The following CNTN1 variants were observed in gnomAD, a reference collection of about 807,000 sequenced individuals.
CNTN1 encodes contactin 1, also known as contactin-1.
Under a neutral mutation model 126.4 loss-of-function variants are expected in CNTN1, and 38 were observed. The observed-to-expected ratio is 0.30, with a 90% CI of 0.23 to 0.39. The LOEUF is 0.39. CNTN1 is among the 10% of genes least tolerant of loss of function. The pLI is 1.00. For synonymous variants in CNTN1, 413 were observed against 422.6 expected, an observed-to-expected ratio of 0.98 and a Z score of 0.28; for missense variants, 1,009 against 1,248.4, an observed-to-expected ratio of 0.81 and a Z score of 2.89.
At chr12:40,999,142 T>A (rs1027553657) in intron 17 of CNTN1, among the ~76,000 whole-genome samples, 6 of 152,126 alleles carry the variant, frequency 3.9e-5, no homozygotes, top group Non-Finnish European at 7.4e-5. Flanking sequence ...GGCATTGGCT[T>A]GATTTTCTTT....
intron 1 of CNTN1, among the ~76,000 whole-genome samples, chr12:40,838,118 C>T (rs770770564): frequency 2.7e-4 from 41 of 152,206 alleles, no homozygotes; most frequent in Non-Finnish European, 5.6e-4. Context: ...CCCGGCATTG[C>T]ATCTGCAAGA....
chr12:40,864,017 TC>T, intron 1 of CNTN1, among the ~76,000 whole-genome samples: 1 of 107,362 alleles, frequency 9.3e-6, no homozygotes, highest in Non-Finnish European at 2.0e-5. Flanking sequence ...CTCTCTGCTT[TC>T]CTTTTTTTTT....
intron 12 of CNTN1, among the ~76,000 whole-genome samples, chr12:40,941,944 G>A (rs1391731263): frequency 6.6e-6 from 1 of 151,942 alleles, no homozygotes; most frequent in Non-Finnish European, 1.5e-5. Flanking sequence ...TAATCTCAAA[G>A]GCAAAGTACC....
intron 20 of CNTN1, among the ~76,000 whole-genome samples, chr12:41,021,867 C>T (rs766053095): frequency 2.8e-4 from 43 of 152,016 alleles, no homozygotes; most frequent in South Asian, 8.3e-4. Flanking sequence ...GTAATAAATA[C>T]GCCTGAGGTA....
intron 1 of CNTN1, among the ~76,000 whole-genome samples, chr12:40,875,027 A>G (rs759501033): frequency 9.9e-5 from 15 of 152,152 alleles, no homozygotes; most frequent in East Asian, 9.6e-4. Context: ...GCCTTTGGGC[A>G]CACGTATATA....
chr12:40,763,509 G>A (rs1200999752), intron 1 of CNTN1, among the ~76,000 whole-genome samples: 1 of 152,116 alleles, frequency 6.6e-6, no homozygotes, highest in African/African-American at 2.4e-5. Flanking sequence ...CAAACGTTTT[G>A]CAGAGGGAAG....
intron 1 of CNTN1, among the ~76,000 whole-genome samples, chr12:40,847,365 T>G (rs1036046509): frequency 1.3e-5 from 2 of 152,190 alleles, no homozygotes; most frequent in Non-Finnish European, 2.9e-5. Flanking sequence ...TTAAACTTGA[T>G]GAATAAAGTT....
intron 3 of CNTN1, among the ~76,000 whole-genome samples, chr12:40,917,071 G>C (rs996932737): frequency 8.1e-6 from 1 of 123,552 alleles, no homozygotes; most frequent in Non-Finnish European, 1.7e-5. Flanking sequence ...CGGGGGGGGG[G>C]GCAGAACTAA....
In CNTN1 at chr12:41,016,916, G is replaced by A; in HGVS notation, c.2419G>A (p.Ala807Thr). ...LVAVINSAQDAPSEAPTEVGV... is the reference protein window; with the variant it reads ...LVAVINSAQDTPSEAPTEVGV... ...AGCAGTCATTAATTCAGCACAAGAC[G>A]GTAGGTGAAAGAAAGACCTTCTTAC... Residue 807 changes from alanine to threonine, a missense_variant and splice_region_variant, in exon 19 of 24, where the codon GCT becomes ACT. Coordinates refer to ENST00000551295, the MANE Select transcript of CNTN1 (RefSeq NM_001843.4). The A allele has an allele frequency of 1.2e-6, 2 of 1,612,098 alleles. No homozygotes were observed. Among genetic ancestry groups the A allele is most frequent in the Non-Finnish European group, 1.7e-6 (2 of 1,178,246 alleles).
intron 23 of CNTN1, among the ~76,000 whole-genome samples, chr12:41,037,697 CACACAT>C (rs1196578672): frequency 2.1e-5 from 3 of 143,488 alleles, no homozygotes; most frequent in East Asian, 2.0e-4. Context: ...CACACACACA[CACACAT>C]ATTTATATAT....
chr12:41,012,416 T>C (rs533670095), intron 17 of CNTN1, among the ~76,000 whole-genome samples: 15 of 152,332 alleles, frequency 9.8e-5, no homozygotes, highest in Non-Finnish European at 1.5e-4. Context: ...ATAAGAGTTA[T>C]GACAGTTGCC....
chr12:40,705,319 A>G (rs1224097484), intron 1 of CNTN1, among the ~76,000 whole-genome samples: 1 of 152,172 alleles, frequency 6.6e-6, no homozygotes, highest in Non-Finnish European at 1.5e-5. Flanking sequence ...TTGAATCCTG[A>G]TGAATTATTT....
At chr12:40,924,727 G>A in intron 6 of CNTN1, 75 bp downstream of exon 6, 1 of 788,142 alleles carries the variant, frequency 1.3e-6, no homozygotes, top group Non-Finnish European at 2.3e-6. Context: ...TAGTAATAAT[G>A]CTACATTATT....
At chr12:40,759,460 C>T (rs539297499) in intron 1 of CNTN1, among the ~76,000 whole-genome samples, 37 of 150,728 alleles carry the variant, frequency 2.5e-4, no homozygotes, top group African/African-American at 8.8e-4. Flanking sequence ...CTTCCCTTCC[C>T]TTTCCCTTTC....
At chr12:40,966,043 C>T (rs576609732) in intron 15 of CNTN1, among the ~76,000 whole-genome samples, 6 of 150,754 alleles carry the variant, frequency 4.0e-5, no homozygotes, top group Admixed American at 1.3e-4. Context: ...CACACACGCA[C>T]GCATTGGAAG....
At chr12:40,847,709 T>C (rs74549859) in intron 1 of CNTN1, among the ~76,000 whole-genome samples, 6,083 of 152,312 alleles carry the variant, frequency 0.04, 166 homozygotes, top group Non-Finnish European at 0.053. Context: ...CCCAGGCACA[T>C]TCTTGAATAA....
chr12:41,066,313 T>C (rs760356245), intron 23 of CNTN1, among the ~76,000 whole-genome samples: 21 of 152,152 alleles, frequency 1.4e-4, no homozygotes, highest in Non-Finnish European at 2.6e-4. Flanking sequence ...TTATGCAATA[T>C]AGAATAAAAT....
At chr12:41,026,809 G>A (rs1949047145) in intron 21 of CNTN1, among the ~76,000 whole-genome samples, 1 of 152,168 alleles carries the variant, frequency 6.6e-6, no homozygotes, top group South Asian at 2.1e-4. Context: ...TCTGGCATCT[G>A]TACAGAAAAT....
chr12:41,069,860 T>C, intron 23 of CNTN1, 99 bp from the exon 24 acceptor site: 1 of 920,780 alleles, frequency 1.1e-6, no homozygotes, highest in East Asian at 2.4e-5. Flanking sequence ...CCATTTGTTT[T>C]CCAGGGCTAT....
Sources: gnomAD v4.1 joint callset for allele counts (sites outside exome capture counted in the v4.1 genomes callset) on GRCh38, gnomAD v4.1.1 for gene constraint, MANE v1.5 for transcripts, NCBI Gene and HGNC (gene_info 2026-07-23, HGNC 2026-07-21) for gene names.